Variants in DSCAM observed in about 807,000 individuals in gnomAD.
DSCAM encodes the protein DS cell adhesion molecule, also known as cell adhesion molecule DSCAM.
Under a neutral mutation model 217.7 loss-of-function variants are expected in DSCAM, and 47 were observed. That is an observed-to-expected ratio of 0.22 (90% CI 0.17 to 0.28). The LOEUF is 0.28. Ranked by LOEUF, DSCAM falls within the 10% of genes least tolerant of loss-of-function variation. The pLI, the probability that DSCAM is intolerant of heterozygous loss-of-function variation, is 1.00. For missense variants in DSCAM, 2,080 were observed against 2,618.3 expected (o/e 0.79, Z 4.49); for synonymous variants, 1,056 against 1,015.3 (o/e 1.04, Z -0.76).
At chr21:40,792,441 A>G (rs1384218247) in intron 1 of DSCAM, among the ~76,000 whole-genome samples, 4 of 152,008 alleles carry the variant, frequency 2.6e-5, no homozygotes, top group Non-Finnish European at 4.4e-5. Context: ...CTTCTTAAAT[A>G]CCAGTCTTAC....
intron 18 of DSCAM, among the ~76,000 whole-genome samples, chr21:40,137,172 C>T (rs1356961029): frequency 2.0e-5 from 2 of 98,364 alleles, no homozygotes; most frequent in East Asian, 3.1e-4. Flanking sequence ...GAGACTCTGT[C>T]TCAAGGAAAA....
rs11286508 is a variant in DSCAM at position 40,179,184 on chromosome 21, C to CAAAAAAAAAA, written c.2780-100_2780-91dup. The CAAAAAAAAAA allele has an allele frequency of 1.2e-4, 12 of 102,628 alleles. 3 individuals carry two copies. Among genetic ancestry groups the CAAAAAAAAAA allele is most frequent in the South Asian group, 2.1e-4 (2 of 9,308 alleles). 6.4% of individuals were successfully genotyped at this position (102,628 alleles called of 1,614,324 possible). On this transcript the variant is annotated intron_variant, in intron 14 of 32. Transcript: ENST00000400454. ...AAGTTCACAAGTAGGAATTAAAAACCAAAAAAAAAAAAAAAAAAAAAAAAA... is the reference window on the plus strand; with the variant it reads ...AAGTTCACAAGTAGGAATTAAAAACCAAAAAAAAAAAAAAAAAAAAAAAAAAAAAAAAAAA...
At chr21:40,499,412 A>AC (rs780094675) in intron 3 of DSCAM, among the ~76,000 whole-genome samples, 1 of 152,136 alleles carries the variant, frequency 6.6e-6, no homozygotes, top group Non-Finnish European at 1.5e-5. Context: ...AAACAAAAAA[A>AC]CCAAAACTCT....
rs369341800 is a variant in DSCAM, at chr21:40,087,318, T to G, written c.3851-31A>C. The G allele has an allele frequency of 3.2e-6, 5 of 1,549,268 alleles. No individual in the cohort carries two copies. The African/African-American group carries it at 6.8e-5, about 21-fold the overall frequency. On this transcript the variant is annotated intron_variant, in intron 21 of 32. Coordinates refer to ENST00000400454, the MANE Select transcript of DSCAM (RefSeq NM_001389.5). ...GAACCAAACAAAGTGGAATCCTGATTACTCCACAGACGTGTCTACACAGAG... is the reference window on the plus strand; with the variant it reads ...GAACCAAACAAAGTGGAATCCTGATGACTCCACAGACGTGTCTACACAGAG...
chr21:40,578,110 T>C lies in DSCAM; in HGVS notation c.508+114700A>G, dbSNP rs1000368654. Among the ~76,000 whole-genome samples, 2 of 152,146 alleles carry C rather than the reference T, an allele frequency of 1.3e-5. 1 individual carries two copies. The highest frequency in any genetic ancestry group is 2.9e-5 in the Non-Finnish European group (2 of 68,022). ...AGGTATTTGCAAGGATTGGTGAGTA[T>C]ATAGGAACAGAAGAACCCTCATGCA... is the stretch of plus-strand genomic sequence containing the variant. On this transcript the variant is annotated intron_variant, in intron 3 of 32. Coordinates refer to ENST00000400454, the MANE Select transcript of DSCAM (RefSeq NM_001389.5).
chr21:40,576,205 G>T (rs1206876542), intron 3 of DSCAM, among the ~76,000 whole-genome samples: 1 of 152,118 alleles, frequency 6.6e-6, no homozygotes, highest in Non-Finnish European at 1.5e-5. Context: ...CCAAAAGTCT[G>T]GCAACAGAAT....
chr21:40,819,368 A>AC (rs1446562463), intron 1 of DSCAM, among the ~76,000 whole-genome samples: 1 of 152,218 alleles, frequency 6.6e-6, no homozygotes, highest in Non-Finnish European at 1.5e-5. Flanking sequence ...CCTTCCCCAG[A>AC]CAGTGGGGGC....
At chr21:40,759,784 G>T (rs1443633679) in intron 1 of DSCAM, among the ~76,000 whole-genome samples, 1 of 152,096 alleles carries the variant, frequency 6.6e-6, no homozygotes, top group East Asian at 1.9e-4. Context: ...CACAGCCTGG[G>T]GTGCCAGTCT....
rs372985823 is a variant in DSCAM, at chr21:40,215,417, A to G, written c.2357-26179T>C. On this transcript the variant is annotated intron_variant, in intron 11 of 32. Coordinates refer to ENST00000400454, the MANE Select transcript of DSCAM (RefSeq NM_001389.5). ...GAAAAAAATCATAAAAGCAAGACTC[A>G]ACTAAAAAAAAACAAAAAGAAAAAA... Among the ~76,000 whole-genome samples the G allele has an allele frequency of 6.5e-4, 99 of 152,030 alleles. 1 individual carries two copies. The highest frequency in any genetic ancestry group is 2.3e-3 in the African/African-American group (94 of 41,506).
At chr21:40,690,730 A>G (rs2090529552) in intron 3 of DSCAM, among the ~76,000 whole-genome samples, 1 of 152,232 alleles carries the variant, frequency 6.6e-6, no homozygotes, top group Non-Finnish European at 1.5e-5. Flanking sequence ...GTCTGTTCAC[A>G]GAGATTGCAA....
At chr21:40,692,660 A>C (rs920460486) in intron 3 of DSCAM, 150 bp downstream of exon 3, 1 of 978,582 alleles carries the variant, frequency 1.0e-6, no homozygotes, top group African/African-American at 1.6e-5. Flanking sequence ...CAAAACACTT[A>C]TTTCAGGTTT....
intron 3 of DSCAM, among the ~76,000 whole-genome samples, chr21:40,539,278 G>C (rs1344562898): frequency 1.3e-5 from 2 of 152,096 alleles, no homozygotes; most frequent in East Asian, 3.9e-4. Flanking sequence ...GCTGAGGCGG[G>C]CGGATCACGA....
intron 1 of DSCAM, among the ~76,000 whole-genome samples, chr21:40,813,908 G>C (rs543338287): frequency 4.6e-5 from 7 of 152,212 alleles, no homozygotes; most frequent in Admixed American, 2.0e-4. Context: ...GCCTCTCAAA[G>C]TGCTGGGATT....
chr21:40,272,252 C>T (rs116193473), intron 11 of DSCAM, among the ~76,000 whole-genome samples: 58 of 152,256 alleles, frequency 3.8e-4, no homozygotes, highest in African/African-American at 1.4e-3. Context: ...TCTGCCTTTT[C>T]TGCCAAGCCT....
rs150832679 is a variant in DSCAM at position 40,724,095 on chromosome 21, T to C, written c.44-15324A>G. Among the ~76,000 whole-genome samples, 604 of 152,326 alleles carry C rather than the reference T, an allele frequency of 4.0e-3. 4 individuals carry two copies. Among genetic ancestry groups the C allele is most frequent in the Non-Finnish European group, 7.0e-3 (477 of 68,030 alleles). ...GGATTAAAGTCACTCTCATTAACAT[T>C]GCTAGGGGTTAAGTGTACATTTTCA... On this transcript the variant is annotated intron_variant, in intron 1 of 32. Coordinates refer to ENST00000400454, the MANE Select transcript of DSCAM (RefSeq NM_001389.5).
intron 1 of DSCAM, among the ~76,000 whole-genome samples, chr21:40,742,552 T>C (rs2091134366): frequency 6.6e-6 from 1 of 152,212 alleles, no homozygotes; most frequent in Admixed American, 6.5e-5. Flanking sequence ...AGAATAAATG[T>C]ATGTTGTTTT....
intron 3 of DSCAM, among the ~76,000 whole-genome samples, chr21:40,665,226 G>T (rs1339766673): frequency 6.6e-6 from 1 of 152,194 alleles, no homozygotes; most frequent in Non-Finnish European, 1.5e-5. Flanking sequence ...GGCAAATTCA[G>T]AGTGAGTAGT....
chr21:40,662,592 G>A (rs2090150337), intron 3 of DSCAM, among the ~76,000 whole-genome samples: 1 of 152,174 alleles, frequency 6.6e-6, no homozygotes, highest in Admixed American at 6.5e-5. Flanking sequence ...TAATGAGAAT[G>A]GAAGTGTTAG....
intron 2 of DSCAM, among the ~76,000 whole-genome samples, chr21:40,695,781 T>C (rs1356957787): frequency 6.6e-6 from 1 of 152,220 alleles, no homozygotes; most frequent in Non-Finnish European, 1.5e-5. Flanking sequence ...TTTTACAGAA[T>C]ATACATGTAT....
Sources: gnomAD v4.1 joint callset for allele counts (sites outside exome capture counted in the v4.1 genomes callset) on GRCh38, gnomAD v4.1.1 for gene constraint, MANE v1.5 for transcripts, NCBI Gene and HGNC (gene_info 2026-07-23, HGNC 2026-07-21) for gene names.